USP12: variants seen among roughly 807,000 people sequenced by gnomAD.
USP12 encodes the protein ubiquitin specific peptidase 12, also known as ubiquitin carboxyl-terminal hydrolase 12.
A neutral mutation model predicts 45.5 loss-of-function variants in USP12; 19 were observed. That is an observed-to-expected ratio of 0.42 (90% CI 0.29 to 0.61). The LOEUF is 0.61. Ranked by LOEUF, USP12 falls within the 20% of genes least tolerant of loss-of-function variation. The pLI is 0.22. For synonymous variants in USP12, 149 were observed against 148.8 expected (o/e 1.00, Z -0.01); for missense variants, 242 against 447.7 (o/e 0.54, Z 4.15).
At chr13:27,125,090 TTC>T (rs1443504127) in intron 1 of USP12, among the ~76,000 whole-genome samples, 1 of 152,202 alleles carries the variant, frequency 6.6e-6, no homozygotes, top group Non-Finnish European at 1.5e-5. Flanking sequence ...CACTACCATC[TTC>T]TTTTTCAGTA....
intron 1 of USP12, among the ~76,000 whole-genome samples, chr13:27,157,565 C>T (rs896525017): frequency 5.3e-5 from 8 of 152,010 alleles, no homozygotes; most frequent in Non-Finnish European, 1.2e-4. Flanking sequence ...GAAGATTTTT[C>T]CCTAAACCAA....
intron 1 of USP12, among the ~76,000 whole-genome samples, chr13:27,157,755 T>G (rs1877907302): frequency 6.6e-6 from 1 of 152,166 alleles, no homozygotes; most frequent in African/African-American, 2.4e-5. Flanking sequence ...TCCACCAAGC[T>G]TCCCTCCCCA....
chr13:27,167,975 G>A (rs1457147909), intron 1 of USP12, among the ~76,000 whole-genome samples: 2 of 152,092 alleles, frequency 1.3e-5, no homozygotes, highest in African/African-American at 2.4e-5. Flanking sequence ...TTTAAAAATC[G>A]TGTTATTAAA....
At chr13:27,109,712 A>C (rs1875328355) in intron 2 of USP12, among the ~76,000 whole-genome samples, 1 of 151,970 alleles carries the variant, frequency 6.6e-6, no homozygotes, top group South Asian at 2.1e-4. Flanking sequence ...TCAGGAGCTC[A>C]AGACCAGCCT....
At chr13:27,076,029 C>CAAAAAAAAAAAAAAAAAAAAAAAAA (rs11458818) in intron 6 of USP12, among the ~76,000 whole-genome samples, 2 of 98,012 alleles carry the variant, frequency 2.0e-5, no homozygotes, top group African/African-American at 4.3e-5. Flanking sequence ...GGCTCCGTCT[C>CAAAAAAAAAAAAAAAAAAAAAAAAA]AAAAAAAAAA....
At chr13:27,133,042 G>A (rs1876582443) in intron 1 of USP12, among the ~76,000 whole-genome samples, 1 of 152,184 alleles carries the variant, frequency 6.6e-6, no homozygotes, top group South Asian at 2.1e-4. Context: ...GAAGCCCAGG[G>A]TCAGCTGTTA....
chr13:27,073,619 A>C (rs1873343875), intron 7 of USP12, among the ~76,000 whole-genome samples: 1 of 152,228 alleles, frequency 6.6e-6, no homozygotes, highest in African/African-American at 2.4e-5. Context: ...GCATGATTTA[A>C]GTAGAGTAGG....
intron 1 of USP12, among the ~76,000 whole-genome samples, chr13:27,168,262 CG>C (rs944231602): frequency 3.0e-4 from 45 of 152,300 alleles, no homozygotes; most frequent in African/African-American, 9.6e-4. Context: ...ACAACTTCTC[CG>C]TTGTCTGGTC....
intron 1 of USP12, among the ~76,000 whole-genome samples, chr13:27,163,805 A>C (rs565225662): frequency 9.2e-5 from 14 of 151,582 alleles, no homozygotes; most frequent in Non-Finnish European, 1.5e-4. Context: ...AAAAGAAAAG[A>C]AGCTACAGGT....
At chr13:27,162,965 C>T (rs1878177183) in intron 1 of USP12, 1 of 152,012 alleles carries the variant, frequency 6.6e-6, no homozygotes, top group Non-Finnish European at 1.5e-5. Flanking sequence ...ATATACAATC[C>T]AAAATTTTCC....
rs58820564 is a variant in USP12, at chr13:27,148,795, T to TACACACAC, written c.48+22789_48+22796dup. Among the ~76,000 whole-genome samples the TACACACAC allele has an allele frequency of 5.8e-3, 816 of 141,782 alleles. 10 individuals carry two copies. Among genetic ancestry groups the TACACACAC allele is most frequent in the African/African-American group, 0.016 (606 of 37,270 alleles). The allele number at this position is 141,782 out of a possible 152,430, so 93.0% of individuals were successfully genotyped here. On this transcript the variant is annotated intron_variant, in intron 1 of 8. Transcript: ENST00000282344. Reference sequence around the variant, plus strand: ...AACCAGAATCACAGAATCATCTTAATACACACACACACACACACAAAAATC... The same window carrying TACACACAC: ...AACCAGAATCACAGAATCATCTTAATACACACACACACACACACACACACACAAAAATC...
intron 7 of USP12, among the ~76,000 whole-genome samples, chr13:27,071,567 G>GT (rs1873248155): frequency 1.3e-5 from 2 of 152,100 alleles, no homozygotes; most frequent in East Asian, 1.9e-4. Flanking sequence ...CTTGGTAATG[G>GT]TTTTTTTCTT....
intron 1 of USP12, among the ~76,000 whole-genome samples, chr13:27,149,800 G>C (rs529935457): frequency 1.5e-4 from 23 of 152,350 alleles, no homozygotes; most frequent in Middle Eastern, 3.4e-3. Context: ...GGATGAAACT[G>C]TTCTCAGATC....
chr13:27,149,718 C>A (rs541834085), intron 1 of USP12, among the ~76,000 whole-genome samples: 2 of 152,152 alleles, frequency 1.3e-5, no homozygotes, highest in African/African-American at 4.8e-5. Context: ...GCAACAGTCC[C>A]CAACCTTTTC....
intron 2 of USP12, among the ~76,000 whole-genome samples, chr13:27,111,180 G>C (rs1875426240): frequency 1.3e-5 from 2 of 152,170 alleles, no homozygotes; most frequent in South Asian, 2.1e-4. Flanking sequence ...AAAATTAAAA[G>C]GTTGAAAATA....
chr13:27,084,260 C>A (rs1286983395), intron 6 of USP12, among the ~76,000 whole-genome samples: 2 of 151,238 alleles, frequency 1.3e-5, no homozygotes, highest in African/African-American at 2.4e-5. Flanking sequence ...GTAATCCCAG[C>A]ACTTTGGGAG....
At chr13:27,091,043 C>T (rs1481709301) in intron 4 of USP12, among the ~76,000 whole-genome samples, 2 of 152,168 alleles carry the variant, frequency 1.3e-5, no homozygotes, top group Non-Finnish European at 2.9e-5. Context: ...AGGACCGAAA[C>T]CCCTTCTGTA....
chr13:27,145,328 A>G (rs1210727412), intron 1 of USP12, among the ~76,000 whole-genome samples: 1 of 152,216 alleles, frequency 6.6e-6, no homozygotes, highest in Non-Finnish European at 1.5e-5. Context: ...TATAGTAACA[A>G]TAGTGCTAAA....
chr13:27,145,354 T>C (rs1877264901), intron 1 of USP12, among the ~76,000 whole-genome samples: 1 of 152,166 alleles, frequency 6.6e-6, no homozygotes, highest in Non-Finnish European at 1.5e-5. Context: ...CCTTACCCAT[T>C]TGGCCAAGAA....
Sources: allele counts gnomAD v4.1 joint callset (sites outside exome capture counted in the v4.1 genomes callset), GRCh38; gene constraint gnomAD v4.1.1; transcripts MANE v1.5; gene names NCBI Gene and HGNC (gene_info 2026-07-23, HGNC 2026-07-21).